Variants in CNTNAP4 observed in about 807,000 individuals in gnomAD.
CNTNAP4 encodes contactin-associated protein-like 4.
A neutral mutation model predicts 148.4 loss-of-function variants in CNTNAP4; 98 were observed. That is an observed-to-expected ratio of 0.66 (90% confidence interval 0.56 to 0.78). The LOEUF is 0.78. Among genes scored for constraint, CNTNAP4 ranks in the 30% least tolerant of loss-of-function variants. The pLI is 0.00. For missense variants in CNTNAP4, 1,935 were observed against 1,565.6 expected (o/e 1.24, Z -3.98); for synonymous variants, 730 against 565.1 (o/e 1.29, Z -4.14).
chr16:76,283,407 C>G (rs1234607991), intron 1 of CNTNAP4, among the ~76,000 whole-genome samples: 1 of 151,918 alleles, frequency 6.6e-6, no homozygotes, highest in Non-Finnish European at 1.5e-5. Context: ...ATGGAATCAA[C>G]CTAAGTGCCC....
intron 2 of CNTNAP4, among the ~76,000 whole-genome samples, chr16:76,319,788 AAG>A (rs766505783): frequency 1.5e-4 from 23 of 152,120 alleles, no homozygotes; most frequent in African/African-American, 5.3e-4. Context: ...GAAAGAAAGA[AAG>A]AGGGGTTCTT....
chr16:76,396,453 A>T (rs1271050240), intron 3 of CNTNAP4, among the ~76,000 whole-genome samples: 2 of 152,164 alleles, frequency 1.3e-5, no homozygotes, highest in Non-Finnish European at 2.9e-5. Context: ...GTAAGTGGTG[A>T]AGAGAGAGCT....
intron 9 of CNTNAP4, among the ~76,000 whole-genome samples, chr16:76,464,162 C>A (rs1273656490): frequency 6.6e-6 from 1 of 152,136 alleles, no homozygotes; most frequent in Non-Finnish European, 1.5e-5. Flanking sequence ...CAGGTTAAGG[C>A]GATCCATCTT....
chr16:76,519,915 T>TA (rs1443601124), intron 15 of CNTNAP4, among the ~76,000 whole-genome samples: 4 of 152,208 alleles, frequency 2.6e-5, no homozygotes, highest in African/African-American at 9.7e-5. Flanking sequence ...CAAAGTAAAT[T>TA]AAAATTTAAG....
intron 3 of CNTNAP4, among the ~76,000 whole-genome samples, chr16:76,359,860 A>G (rs894712062): frequency 2.0e-5 from 3 of 152,144 alleles, no homozygotes; most frequent in African/African-American, 7.2e-5. Context: ...TCACTCACTT[A>G]AGAACAATTG....
intron 4 of CNTNAP4, among the ~76,000 whole-genome samples, chr16:76,430,035 A>C (rs2079554251): frequency 6.6e-6 from 1 of 152,158 alleles, no homozygotes; most frequent in South Asian, 2.1e-4. Context: ...TAACCAAAGA[A>C]TGGGTTGGGC....
intron 2 of CNTNAP4, among the ~76,000 whole-genome samples, chr16:76,333,826 A>C (rs1008637221): frequency 8.4e-6 from 1 of 118,728 alleles, no homozygotes; most frequent in African/African-American, 3.0e-5. Flanking sequence ...TAGTACTTTA[A>C]AAAAGCCTAT....
chr16:76,486,613 TTAGAGA>T (rs764070288), intron 12 of CNTNAP4, among the ~76,000 whole-genome samples: 5 of 152,166 alleles, frequency 3.3e-5, no homozygotes, highest in African/African-American at 7.2e-5. Flanking sequence ...ATCTTGGAAG[TTAGAGA>T]TAGAGAATTG....
intron 1 of CNTNAP4, among the ~76,000 whole-genome samples, chr16:76,301,191 C>A (rs1959927924): frequency 6.6e-6 from 1 of 151,974 alleles, no homozygotes; most frequent in African/African-American, 2.4e-5. Context: ...TGATCTTTGT[C>A]TTTTACTATG....
intron 10 of CNTNAP4, among the ~76,000 whole-genome samples, chr16:76,470,405 C>T (rs1328803208): frequency 6.7e-6 from 1 of 149,806 alleles, no homozygotes. Context: ...CTTTGGGAGG[C>T]CAAGACGGGT....
chr16:76,476,413 A>G (rs1271877579), intron 11 of CNTNAP4, among the ~76,000 whole-genome samples: 2 of 152,174 alleles, frequency 1.3e-5, no homozygotes, highest in Non-Finnish European at 2.9e-5. Flanking sequence ...TATTCATACA[A>G]TTAAACAAAG....
At chr16:76,423,597 C>T (rs1030219081) in intron 3 of CNTNAP4, among the ~76,000 whole-genome samples, 8 of 152,094 alleles carry the variant, frequency 5.3e-5, no homozygotes, top group Non-Finnish European at 1.0e-4. Context: ...GTTTCCTAGG[C>T]AAAGGAATAC....
At chr16:76,288,098 A>G (rs564916253) in intron 1 of CNTNAP4, among the ~76,000 whole-genome samples, 1 of 152,084 alleles carries the variant, frequency 6.6e-6, no homozygotes, top group Non-Finnish European at 1.5e-5. Flanking sequence ...TAATTGAACC[A>G]TGGGGGCGGT....
At chr16:76,332,876 C>T (rs532954844) in intron 2 of CNTNAP4, among the ~76,000 whole-genome samples, 3 of 152,160 alleles carry the variant, frequency 2.0e-5, no homozygotes, top group South Asian at 4.1e-4. Flanking sequence ...ATTCTGGCAG[C>T]GCTTGTACAT....
At chr16:76,357,372 G>A (rs1285647280) in intron 3 of CNTNAP4, among the ~76,000 whole-genome samples, 6 of 152,158 alleles carry the variant, frequency 3.9e-5, no homozygotes, top group Admixed American at 3.9e-4. Context: ...CAAGCTTGGG[G>A]AAAGCCAAAC....
chr16:76,488,030 G>A (rs1568369693), intron 12 of CNTNAP4, among the ~76,000 whole-genome samples: 1 of 152,138 alleles, frequency 6.6e-6, no homozygotes, highest in African/African-American at 2.4e-5. Context: ...GCAAGAAAAG[G>A]TGAATAGTTT....
At chr16:76,430,226 C>T (rs1434152632) in intron 4 of CNTNAP4, among the ~76,000 whole-genome samples, 2 of 152,156 alleles carry the variant, frequency 1.3e-5, no homozygotes, top group African/African-American at 4.8e-5. Flanking sequence ...AAAGAATAAG[C>T]ATCTTCTGAT....
At chr16:76,373,587 T>A (rs1166407984) in intron 3 of CNTNAP4, among the ~76,000 whole-genome samples, 1 of 152,082 alleles carries the variant, frequency 6.6e-6, no homozygotes, top group Non-Finnish European at 1.5e-5. Context: ...GAAGTAGCTA[T>A]GAGTATGAAA....
At chr16:76,477,067 C>A (rs1473795422) in intron 11 of CNTNAP4, among the ~76,000 whole-genome samples, 1 of 151,932 alleles carries the variant, frequency 6.6e-6, no homozygotes, top group Admixed American at 6.6e-5. Flanking sequence ...CTATTATATG[C>A]AACTTACTTA....
Sources: allele counts gnomAD v4.1 joint callset (sites outside exome capture counted in the v4.1 genomes callset), GRCh38; gene constraint gnomAD v4.1.1; transcripts MANE v1.5; gene names NCBI Gene and HGNC (gene_info 2026-07-23, HGNC 2026-07-21).